Variants in CCSER1 observed in about 807,000 individuals in gnomAD.
CCSER1 encodes the protein serine-rich coiled-coil domain-containing protein 1.
A neutral mutation model predicts 82.0 loss-of-function variants in CCSER1; 41 were observed. That is an observed-to-expected ratio of 0.50 (90% confidence interval 0.39 to 0.65). CCSER1 has a LOEUF of 0.65. Among genes scored for constraint, CCSER1 ranks in the 30% least tolerant of loss-of-function variants. The pLI is 0.00. For missense variants in CCSER1, 1,119 were observed against 1,064.2 expected (o/e 1.05, Z -0.72); for synonymous variants, 414 against 383.9 (o/e 1.08, Z -0.92).
At chr4:90,490,268 G>T (rs1023543984) in intron 5 of CCSER1, among the ~76,000 whole-genome samples, 2 of 152,128 alleles carry the variant, frequency 1.3e-5, no homozygotes, top group Non-Finnish European at 2.9e-5. Flanking sequence ...ATCTCTGATG[G>T]TCGGTGATGA....
At chr4:90,306,553 G>A (rs935311543) in intron 1 of CCSER1, among the ~76,000 whole-genome samples, 4 of 152,076 alleles carry the variant, frequency 2.6e-5, no homozygotes, top group Non-Finnish European at 4.4e-5. Flanking sequence ...ATACAAATAT[G>A]TTAGATTTTA....
intron 9 of CCSER1, chr4:91,017,176 A>G (rs1245628482): frequency 6.6e-6 from 1 of 152,204 alleles, no homozygotes; most frequent in Non-Finnish European, 1.5e-5. Context: ...AAGTAAGATC[A>G]GCTCTGGATA....
At chr4:91,072,065 T>C (rs1721494592) in intron 9 of CCSER1, among the ~76,000 whole-genome samples, 2 of 152,158 alleles carry the variant, frequency 1.3e-5, no homozygotes, top group Admixed American at 6.5e-5. Flanking sequence ...ATAAGTAATC[T>C]AGTTTCAGGA....
chr4:90,474,477 A>T (rs940303555), intron 5 of CCSER1, among the ~76,000 whole-genome samples: 3 of 152,124 alleles, frequency 2.0e-5, no homozygotes, highest in Non-Finnish European at 4.4e-5. Context: ...AACGAATTAG[A>T]TGTGGTTGGG....
chr4:91,289,822 A>C (rs1366946101), intron 10 of CCSER1, among the ~76,000 whole-genome samples: 2 of 152,074 alleles, frequency 1.3e-5, no homozygotes, highest in Non-Finnish European at 2.9e-5. Context: ...ATGGCCACAA[A>C]TTTTCTAAAA....
At chr4:91,189,583 C>T (rs1301560460) in intron 10 of CCSER1, among the ~76,000 whole-genome samples, 1 of 152,076 alleles carries the variant, frequency 6.6e-6, no homozygotes, top group Non-Finnish European at 1.5e-5. Context: ...TCTGAATATC[C>T]TGGTGTCCTT....
At chr4:91,081,330 C>G (rs1367355748) in intron 9 of CCSER1, among the ~76,000 whole-genome samples, 1 of 152,110 alleles carries the variant, frequency 6.6e-6, no homozygotes, top group Non-Finnish European at 1.5e-5. Context: ...TCAATAGATG[C>G]AGAAAAGGCC....
chr4:91,022,583 A>G (rs1740096724), intron 9 of CCSER1, among the ~76,000 whole-genome samples: 1 of 152,196 alleles, frequency 6.6e-6, no homozygotes, highest in African/African-American at 2.4e-5. Context: ...AGGAATCGCC[A>G]CACTGACTTC....
intron 5 of CCSER1, among the ~76,000 whole-genome samples, chr4:90,503,082 A>G (rs1770154741): frequency 6.6e-6 from 1 of 152,204 alleles, no homozygotes; most frequent in South Asian, 2.1e-4. Context: ...CAAAAGTCCT[A>G]CAAGTGTCAA....
intron 5 of CCSER1, among the ~76,000 whole-genome samples, chr4:90,549,420 G>A (rs1378593885): frequency 6.6e-6 from 1 of 152,104 alleles, no homozygotes; most frequent in Non-Finnish European, 1.5e-5. Context: ...GTTTTTCCCA[G>A]AAGGGGATTG....
intron 10 of CCSER1, among the ~76,000 whole-genome samples, chr4:91,202,266 G>A (rs1275875945): frequency 6.6e-6 from 1 of 151,828 alleles, no homozygotes; most frequent in African/African-American, 2.4e-5. Flanking sequence ...TACTCTGCTG[G>A]GCTGAGGGAT....
At chr4:90,320,892 T>C (rs1480073000) in intron 3 of CCSER1, among the ~76,000 whole-genome samples, 3 of 152,126 alleles carry the variant, frequency 2.0e-5, no homozygotes, top group Non-Finnish European at 4.4e-5. Flanking sequence ...AGCACCTACA[T>C]TGTTACCTCT....
chr4:90,784,325 C>A (rs1265574329), intron 7 of CCSER1, among the ~76,000 whole-genome samples: 2 of 152,204 alleles, frequency 1.3e-5, no homozygotes, highest in Non-Finnish European at 2.9e-5. Flanking sequence ...TTATAGCACA[C>A]TGTGATTATA....
chr4:91,010,909 T>A (rs1738954520), intron 9 of CCSER1, among the ~76,000 whole-genome samples: 1 of 135,040 alleles, frequency 7.4e-6, no homozygotes, highest in Admixed American at 7.3e-5. Flanking sequence ...TCTGGAAATT[T>A]GTAGATTTAT....
chr4:90,433,363 C>T (rs1053669580), intron 4 of CCSER1, among the ~76,000 whole-genome samples: 3 of 152,024 alleles, frequency 2.0e-5, no homozygotes, highest in Non-Finnish European at 4.4e-5. Flanking sequence ...TAAAATTGCT[C>T]ATTATTGACT....
intron 10 of CCSER1, among the ~76,000 whole-genome samples, chr4:91,560,402 TTAAA>T (rs1238637744): frequency 1.3e-5 from 2 of 151,576 alleles, no homozygotes; most frequent in African/African-American, 4.8e-5. Context: ...TGATTAGTAA[TTAAA>T]TGTTGACTAA....
At chr4:91,168,025 G>C (rs541213429) in intron 10 of CCSER1, among the ~76,000 whole-genome samples, 42 of 145,090 alleles carry the variant, frequency 2.9e-4, no homozygotes, top group African/African-American at 1.1e-3. Flanking sequence ...CTGCCCGGCC[G>C]CCCCATCTGG....
At chr4:90,862,560 G>A (rs1397068623) in intron 8 of CCSER1, among the ~76,000 whole-genome samples, 1 of 151,904 alleles carries the variant, frequency 6.6e-6, no homozygotes, top group Non-Finnish European at 1.5e-5. Flanking sequence ...CCCTTAGCTA[G>A]TTCAAGGCAT....
chr4:91,450,297 A>G (rs1018917634), intron 10 of CCSER1, among the ~76,000 whole-genome samples: 11 of 151,750 alleles, frequency 7.2e-5, no homozygotes, highest in Non-Finnish European at 4.4e-5. Context: ...CATTCATGGG[A>G]AAAAAAACCA....
Sources: gnomAD v4.1 joint callset for allele counts (sites outside exome capture counted in the v4.1 genomes callset) on GRCh38, gnomAD v4.1.1 for gene constraint, MANE v1.5 for transcripts, NCBI Gene and HGNC (gene_info 2026-07-23, HGNC 2026-07-21) for gene names.